COL23A1: variants seen among roughly 807,000 people sequenced by gnomAD.
COL23A1 encodes collagen alpha-1(XXIII) chain.
COL23A1 carries 97 observed loss-of-function variants against 99.3 expected under a neutral mutation model. That is an observed-to-expected ratio of 0.98 (90% confidence interval 0.83 to 1.16). The LOEUF is 1.16. COL23A1 is among the 50% of genes most tolerant of loss of function. COL23A1 has a pLI of 0.00. For missense variants in COL23A1, 762 were observed against 757.4 expected (o/e 1.01, Z -0.07); for synonymous variants, 320 against 308.2 (o/e 1.04, Z -0.40).
chr5:178,463,311 C>G (rs779571454), intron 2 of COL23A1, among the ~76,000 whole-genome samples: 10 of 152,192 alleles, frequency 6.6e-5, no homozygotes, highest in Non-Finnish European at 1.2e-4. Context: ...CAGAAAACTG[C>G]TTTTCATCAG....
rs1758443889 is a variant in COL23A1 at position 178,307,802 on chromosome 5, A to G, written c.362-883T>C. On this transcript the variant is annotated intron_variant, in intron 2 of 28. Transcript: ENST00000390654. The surrounding 1 kb of genome is among the most constrained non-coding windows in gnomAD (Gnocchi z 4.2). ...TTGCAATGTGTAAATGGCATTTGAT[A>G]CGTCTTGCTCACCCACTGTATGCCA... Among the ~76,000 whole-genome samples, 1 of 152,152 alleles carries G rather than the reference A, an allele frequency of 6.6e-6. No individual in the cohort carries two copies. Among genetic ancestry groups the G allele is most frequent in the Non-Finnish European group, 1.5e-5 (1 of 68,040 alleles).
intron 2 of COL23A1, among the ~76,000 whole-genome samples, chr5:178,520,837 T>C (rs1333215962): frequency 6.6e-6 from 1 of 152,244 alleles, no homozygotes; most frequent in African/African-American, 2.4e-5. Flanking sequence ...TTTAATTTCA[T>C]TCCATTCAGT....
At chr5:178,409,253 T>C (rs147265098) in intron 2 of COL23A1, among the ~76,000 whole-genome samples, 238 of 152,342 alleles carry the variant, frequency 1.6e-3, no homozygotes, top group African/African-American at 5.5e-3. Context: ...GAACTATTGA[T>C]ACATCCAACT....
chr5:178,461,407 G>C (rs1369701529), intron 2 of COL23A1, among the ~76,000 whole-genome samples: 1 of 152,242 alleles, frequency 6.6e-6, no homozygotes, highest in African/African-American at 2.4e-5. Flanking sequence ...AGTGCCTCTA[G>C]CTTTCTCAAA....
intron 2 of COL23A1, among the ~76,000 whole-genome samples, chr5:178,498,246 ATATATATATAT>A (rs1562025694): frequency 2.8e-5 from 2 of 71,664 alleles, no homozygotes; most frequent in East Asian, 1.4e-3. Context: ...ATATATATAT[ATATATATATAT>A]AAAAGAACTT....
chr5:178,479,282 C>T (rs1029735121), intron 2 of COL23A1, among the ~76,000 whole-genome samples: 1 of 152,214 alleles, frequency 6.6e-6, no homozygotes, highest in Non-Finnish European at 1.5e-5. Flanking sequence ...CCAAATCACA[C>T]AGCTATGGAG....
At position 178,388,571 on chromosome 5, in the gene COL23A1, C is replaced by T. The variant is rs115773379; in HGVS notation, c.362-81652G>A. Among the ~76,000 whole-genome samples, 992 of 152,314 alleles carry T rather than the reference C, an allele frequency of 6.5e-3. 9 individuals carry two copies. Among genetic ancestry groups the T allele is most frequent in the African/African-American group, 0.023 (937 of 41,570 alleles). On this transcript the variant is annotated intron_variant, in intron 2 of 28. Transcript: ENST00000390654. ...TGGGTTGCAGCATCAGTGGCCGTCT[C>T]CTTGCTTGTCTCTCCCACTGCCTGT...
At chr5:178,465,264 C>T (rs569834767) in intron 2 of COL23A1, among the ~76,000 whole-genome samples, 21 of 152,240 alleles carry the variant, frequency 1.4e-4, no homozygotes, top group Admixed American at 3.3e-4. Context: ...GCTGGGGGTT[C>T]GGAGATCCTG....
chr5:178,557,584 GC>G (rs1427020537), intron 2 of COL23A1, among the ~76,000 whole-genome samples: 1 of 152,180 alleles, frequency 6.6e-6, no homozygotes, highest in East Asian at 1.9e-4. Context: ...TTCCTTATCT[GC>G]CTGCTGCATG....
chr5:178,584,942 A>G (rs114972021), intron 1 of COL23A1, among the ~76,000 whole-genome samples: 89 of 152,252 alleles, frequency 5.8e-4, no homozygotes, highest in African/African-American at 2.1e-3. Context: ...CTGGCAAGCA[A>G]TGTCCTAGAG....
In COL23A1 at chr5:178,428,950, G is replaced by C. The variant is rs1229272079; in HGVS notation, c.362-122031C>G. On this transcript the variant is annotated intron_variant, in intron 2 of 28. Coordinates refer to ENST00000390654, the MANE Select transcript of COL23A1 (RefSeq NM_173465.4). This position sits in a 1 kb window ranked among gnomAD's most constrained non-coding sequence, Gnocchi z 5.0. ...ACACAGACAGGCAGGCCCTCCGTGAGTGTCCTGAGACCCTACCACACCCCA... is the reference window on the plus strand; with the variant it reads ...ACACAGACAGGCAGGCCCTCCGTGACTGTCCTGAGACCCTACCACACCCCA... Among the ~76,000 whole-genome samples the C allele has an allele frequency of 8.1e-6, 1 of 123,162 alleles. No individual in the cohort carries two copies. Among genetic ancestry groups the C allele is most frequent in the Non-Finnish European group, 1.5e-5 (1 of 65,142 alleles). The allele number at this position is 123,162 out of a possible 152,430, so 80.8% of individuals were successfully genotyped here.
intron 2 of COL23A1, among the ~76,000 whole-genome samples, chr5:178,441,703 A>G (rs185012324): frequency 6.6e-6 from 1 of 152,266 alleles, no homozygotes; most frequent in Non-Finnish European, 1.5e-5. Flanking sequence ...CCCCTAACAG[A>G]CGACACGGGG....
chr5:178,451,142 T>C (rs894834162), intron 2 of COL23A1, among the ~76,000 whole-genome samples: 1 of 152,228 alleles, frequency 6.6e-6, no homozygotes, highest in Non-Finnish European at 1.5e-5. Context: ...GGGAAAACTT[T>C]AAATCTATCG....
chr5:178,355,009 G>A (rs889521649), intron 2 of COL23A1, among the ~76,000 whole-genome samples: 2 of 149,740 alleles, frequency 1.3e-5, no homozygotes, highest in African/African-American at 4.9e-5. Context: ...AGTGAGTGGA[G>A]ATCATAGCAC....
intron 14 of COL23A1, 118 bp downstream of exon 14, chr5:178,256,748 T>A: frequency 1.0e-6 from 1 of 995,514 alleles, no homozygotes; most frequent in Non-Finnish European, 1.5e-6. Context: ...GACCCCTGGG[T>A]CAGGCCCTCC....
rs1354514012 is a variant in COL23A1, at chr5:178,590,133, C to T, written c.65G>A (p.Gly22Asp). 8.1e-7 allele frequency: 1 copy of T among 1,238,048 alleles called. No individual in the cohort carries two copies. The highest frequency in any genetic ancestry group is 4.2e-5 in the Admixed American group (1 of 23,960). The allele number at this position is 1,238,048 out of a possible 1,614,324, so 76.7% of individuals were successfully genotyped here. ...CGTCGTCGCCGAGCGCCCTCCGCCG[C>T]CGCCGCCCGCCGCATTGCCCTTCCC... ...DAGKGNAAGG[G>D]GGGRSATTAG... is the part of the protein sequence containing the mutation. Residue 22 changes from glycine to aspartate, a missense_variant, in exon 1 of 29, where the codon GGC becomes GAC. By Grantham distance (94) the Gly-to-Asp change is moderately conservative. Coordinates refer to ENST00000390654, the MANE Select transcript of COL23A1 (RefSeq NM_173465.4). The surrounding 1 kb of genome is among the most constrained non-coding windows in gnomAD (Gnocchi z 5.7).
In COL23A1 at chr5:178,380,781, G is replaced by A. The variant is rs1016447919; in HGVS notation, c.362-73862C>T. Among the ~76,000 whole-genome samples the A allele has an allele frequency of 4.6e-5, 7 of 152,264 alleles. 1 individual carries two copies. The East Asian group carries it at 5.8e-4, about 13-fold the overall frequency. ...GTGAGAGGGAGGAGAGAAAAGGCAG[G>A]GACTTCACCTGTCCCCAGCGTCCTG... On this transcript the variant is annotated intron_variant, in intron 2 of 28. Transcript: ENST00000390654.
intron 1 of COL23A1, among the ~76,000 whole-genome samples, chr5:178,572,824 T>C (rs553663136): frequency 1.4e-4 from 22 of 152,362 alleles, no homozygotes; most frequent in African/African-American, 5.3e-4. Flanking sequence ...TATATCCATA[T>C]AGTGAAGTAA....
intron 4 of COL23A1, among the ~76,000 whole-genome samples, chr5:178,289,263 G>A (rs757769940): frequency 2.6e-5 from 4 of 152,166 alleles, no homozygotes; most frequent in Non-Finnish European, 5.9e-5. Context: ...TTTTGGCTCT[G>A]ACTGTCAATG....
Sources: gnomAD v4.1 joint callset for allele counts (sites outside exome capture counted in the v4.1 genomes callset) on GRCh38, gnomAD v4.1.1 for gene constraint, Gnocchi (gnomAD v3.1) non-coding constraint, MANE v1.5 for transcripts, NCBI Gene and HGNC (gene_info 2026-07-23, HGNC 2026-07-21) for gene names.